Variants in YEATS4 observed in about 807,000 individuals in gnomAD.
YEATS4 encodes YEATS domain containing 4, also known as YEATS domain-containing protein 4.
YEATS4 carries 17 observed loss-of-function variants against 30.1 expected under a neutral mutation model. That is an observed-to-expected ratio of 0.56 (90% CI 0.39 to 0.85). The LOEUF (loss-of-function observed/expected upper bound fraction) is 0.85, where lower values mean the gene tolerates loss of function less well. Among genes scored for constraint, YEATS4 ranks in the 40% least tolerant of loss-of-function variants. YEATS4 has a pLI of 0.00. For synonymous variants in YEATS4, 85 were observed against 87.5 expected, an observed-to-expected ratio of 0.97 and a Z score of 0.16; for missense variants, 142 against 268.3, an observed-to-expected ratio of 0.53 and a Z score of 3.29.
chr12:69,360,821 A>G (rs948235095), intron 1 of YEATS4, among the ~76,000 whole-genome samples: 2 of 151,804 alleles, frequency 1.3e-5, no homozygotes, highest in African/African-American at 4.8e-5. Flanking sequence ...TTTTAAAGAA[A>G]AATTTCCTTT....
the YEATS4 span, among the ~76,000 whole-genome samples, chr12:69,421,196 T>G: frequency 6.6e-6 from 1 of 152,126 alleles, no homozygotes; most frequent in African/African-American, 2.4e-5. Flanking sequence ...TGTCAGTTGA[T>G]GGATATTTGG....
chr12:69,407,773 A>G, the YEATS4 span, among the ~76,000 whole-genome samples: 3 of 120,902 alleles, frequency 2.5e-5, no homozygotes, highest in East Asian at 2.5e-4. Context: ...CTGGAGTGCA[A>G]TGGTGCAATC....
Position 69,368,864 on chromosome 12 carries a change from C to T in YEATS4, c.334-1842C>T, listed in dbSNP as rs541728815. Among the ~76,000 whole-genome samples, 245 of 152,256 alleles carry T rather than the reference C, an allele frequency of 1.6e-3. 2 individuals are homozygous for T. Among genetic ancestry groups the T allele is most frequent in the African/African-American group, 5.5e-3 (230 of 41,544 alleles). On this transcript the variant is annotated intron_variant, in intron 4 of 6. Coordinates refer to ENST00000247843, the MANE Select transcript of YEATS4 (RefSeq NM_006530.4). ...ACACCAGTCATATTGGATTGTGGTC[C>T]ACCCTAATGACTTCATTGTAATTAC...
At chr12:69,371,020 A>T (rs770852704) in intron 6 of YEATS4, 45 bp downstream of exon 6, 11 of 1,565,976 alleles carry the variant, frequency 7.0e-6, no homozygotes, top group Non-Finnish European at 9.6e-6. Context: ...CGTATTCTGT[A>T]ATAGTGAAAG....
the YEATS4 span, among the ~76,000 whole-genome samples, chr12:69,408,274 T>C: frequency 6.6e-6 from 1 of 152,020 alleles, no homozygotes; most frequent in Non-Finnish European, 1.5e-5. Context: ...GTTGATCTAG[T>C]GCTAGTAACA....
the YEATS4 span, among the ~76,000 whole-genome samples, chr12:69,420,758 A>T: frequency 1.6e-5 from 1 of 60,738 alleles, no homozygotes; most frequent in Non-Finnish European, 3.1e-5. Context: ...AATAAAAAAC[A>T]CACTGGGGGA....
At chr12:69,386,244 A>G (rs1868250140) in intron 6 of YEATS4, among the ~76,000 whole-genome samples, 1 of 152,190 alleles carries the variant, frequency 6.6e-6, no homozygotes, top group Admixed American at 6.5e-5. Context: ...CAAGTTGTCA[A>G]AAATAAAAGT....
chr12:69,386,615 A>G (rs991421239), intron 6 of YEATS4, among the ~76,000 whole-genome samples: 3 of 152,166 alleles, frequency 2.0e-5, no homozygotes, highest in African/African-American at 7.2e-5. Context: ...AACAAAGCGC[A>G]TATCATTCAG....
chr12:69,368,934 C>T (rs1485341609), intron 4 of YEATS4, among the ~76,000 whole-genome samples: 1 of 152,146 alleles, frequency 6.6e-6, no homozygotes, highest in East Asian at 1.9e-4. Context: ...TCCACAGGTG[C>T]TGAGAATTAG....
chr12:69,381,102 T>G (rs1672451), intron 6 of YEATS4, among the ~76,000 whole-genome samples: 9,006 of 152,200 alleles, frequency 0.059, 390 homozygotes, highest in African/African-American at 0.12. Flanking sequence ...TGACCGAAAT[T>G]TATTAGGCAG....
chr12:69,393,192 A>G (rs1387291353), downstream of YEATS4, among the ~76,000 whole-genome samples: 3 of 152,238 alleles, frequency 2.0e-5, no homozygotes, highest in Admixed American at 6.5e-5. Context: ...TCACGCCTGT[A>G]GTCCCAACAC....
chr12:69,422,154 G>T, the YEATS4 span, among the ~76,000 whole-genome samples: 1 of 152,192 alleles, frequency 6.6e-6, no homozygotes, highest in Non-Finnish European at 1.5e-5. Flanking sequence ...GATCCTTAGG[G>T]AGAAGGGAGA....
At position 69,359,784 on chromosome 12, in the gene YEATS4, C is replaced by T. The variant is rs1375177769; in HGVS notation, c.-189C>T. 9.2e-6 allele frequency: 6 copies of T among 654,642 alleles called. No individual in the cohort carries two copies. The highest frequency in any genetic ancestry group is 3.2e-5 in the Admixed American group (1 of 31,524). The allele number at this position is 654,642 out of a possible 1,614,324, so 40.6% of individuals were successfully genotyped here. On this transcript the variant is annotated 5_prime_UTR_variant, in exon 1 of 7. Transcript: ENST00000247843. Reference sequence around the variant, plus strand: ...CTCCACCTGCGCGGGCCTGAATGGCCTTCAGGAGCACAGTCGGCCTGAGGA... The same window carrying T: ...CTCCACCTGCGCGGGCCTGAATGGCTTTCAGGAGCACAGTCGGCCTGAGGA...
rs11286051 is a variant in YEATS4 at position 69,365,771 on chromosome 12, AT to A, written c.239-11del. The A allele has an allele frequency of 0.67, 1,077,082 of 1,601,234 alleles. 366,909 individuals carry two copies. The highest frequency in any genetic ancestry group is 0.84 in the African/African-American group (62,403 of 74,472). On this transcript the variant is annotated intron_variant, in intron 3 of 6. Transcript: ENST00000247843. ...TAGGAAACTAAACCGATAATTTACT[AT>A]TTTTTTTCTGTCTTTAGTTGTTACT...
chr12:69,371,869 T>C (rs976808722), intron 6 of YEATS4, among the ~76,000 whole-genome samples: 33 of 152,162 alleles, frequency 2.2e-4, no homozygotes, highest in Non-Finnish European at 5.9e-5. Context: ...GATATCAAAA[T>C]GTCAGTCAGG....
chr12:69,417,858 A>G, the YEATS4 span, among the ~76,000 whole-genome samples: 39,807 of 135,076 alleles, frequency 0.29, 5,913 homozygotes, highest in Non-Finnish European at 0.35. Flanking sequence ...ACAATAGGGA[A>G]AAAAAAAAAA....
At chr12:69,364,381 C>A in intron 2 of YEATS4, 1 of 186,286 alleles carries the variant, frequency 5.4e-6, no homozygotes. Context: ...TTAAAAATTC[C>A]TAAAAGTAAA....
At chr12:69,409,509 C>T in the YEATS4 span, among the ~76,000 whole-genome samples, 4 of 151,372 alleles carry the variant, frequency 2.6e-5, no homozygotes, top group African/African-American at 4.9e-5. Flanking sequence ...CCCAGCTACT[C>T]GGGAGGCTGA....
chr12:69,362,905 G>T lies in YEATS4; in HGVS notation c.169G>T (p.Glu57Ter). ...AGTATATGTGAAACCATATAGAAAT[G>T]AGGTAGGCACTCGTTTTTTCTGTAA... is the stretch of plus-strand genomic sequence containing the variant. ...WTVYVKPYRN[E>*]DMSAYVKKIQ... Residue 57 changes from glutamate to a stop codon, truncating the protein, a stop_gained and splice_region_variant, in exon 2 of 7, where the codon GAG (glutamate) becomes TAG (stop). Transcript: ENST00000247843. LOFTEE classifies it high-confidence loss of function. 1 of 1,547,454 alleles carries T rather than the reference G, an allele frequency of 6.5e-7. No individual in the cohort carries two copies. Among genetic ancestry groups the T allele is most frequent in the South Asian group, 1.2e-5 (1 of 80,482 alleles).
Sources: gnomAD v4.1 joint callset for allele counts (sites outside exome capture counted in the v4.1 genomes callset) on GRCh38, gnomAD v4.1.1 for gene constraint, MANE v1.5 for transcripts, NCBI Gene and HGNC (gene_info 2026-07-23, HGNC 2026-07-21) for gene names.